KCNQ5: variants seen among roughly 807,000 people sequenced by gnomAD.
KCNQ5 encodes potassium voltage-gated channel subfamily KQT member 5.
In KCNQ5, 30 loss-of-function variants were observed where a neutral mutation model predicts 98.2. That is an observed-to-expected ratio of 0.31 (90% CI 0.23 to 0.41). The LOEUF is 0.41. KCNQ5 is among the 10% of genes least tolerant of loss of function. KCNQ5 has a pLI of 1.00. For missense variants in KCNQ5, 835 were observed against 1,182.5 expected, an observed-to-expected ratio of 0.71 and a Z score of 4.31; for synonymous variants, 458 against 449.4, an observed-to-expected ratio of 1.02 and a Z score of -0.24.
At chr6:72,932,119 A>C (rs1765718119) in intron 1 of KCNQ5, among the ~76,000 whole-genome samples, 1 of 152,178 alleles carries the variant, frequency 6.6e-6, no homozygotes, top group African/African-American at 2.4e-5. Context: ...CAGAGCTTCC[A>C]ATTAGCATCT....
intron 1 of KCNQ5, among the ~76,000 whole-genome samples, chr6:72,970,189 T>A (rs2150282543): frequency 6.6e-6 from 1 of 151,978 alleles, no homozygotes; most frequent in South Asian, 2.1e-4. Context: ...AGCCCAGGAG[T>A]TCAAGGCTGC....
chr6:73,187,926 ACAT>A (rs1429041029), intron 11 of KCNQ5, among the ~76,000 whole-genome samples: 1 of 152,194 alleles, frequency 6.6e-6, no homozygotes, highest in East Asian at 1.9e-4. Context: ...AGCTCACATA[ACAT>A]CCCACCAAGA....
intron 1 of KCNQ5, among the ~76,000 whole-genome samples, chr6:72,627,385 C>A (rs191829826): frequency 4.3e-4 from 65 of 152,248 alleles, no homozygotes; most frequent in Non-Finnish European, 1.0e-4. Context: ...CTGGGAAAAG[C>A]TTTACAGCAA....
At chr6:72,631,633 C>T (rs575262790) in intron 1 of KCNQ5, among the ~76,000 whole-genome samples, 23 of 152,292 alleles carry the variant, frequency 1.5e-4, no homozygotes, top group Middle Eastern at 3.4e-3. Flanking sequence ...TGTTAACCTT[C>T]AGTGAAGCAG....
chr6:73,103,986 C>A (rs9341409), intron 5 of KCNQ5, among the ~76,000 whole-genome samples: 111,658 of 151,802 alleles, frequency 0.74, 45,900 homozygotes, highest in South Asian at 0.94. Context: ...AATATATATA[C>A]CTACTGTGTA....
chr6:72,639,963 G>C (rs74738389), intron 1 of KCNQ5, among the ~76,000 whole-genome samples: 1 of 152,032 alleles, frequency 6.6e-6, no homozygotes, highest in African/African-American at 2.4e-5. Flanking sequence ...TAAAAAAAAA[G>C]TTTGGAATGG....
At chr6:72,957,242 C>T (rs1486354032) in intron 1 of KCNQ5, among the ~76,000 whole-genome samples, 1 of 149,200 alleles carries the variant, frequency 6.7e-6, no homozygotes, top group Non-Finnish European at 1.5e-5. Flanking sequence ...ACAATCTCAG[C>T]TCATTGCAAC....
At chr6:73,096,360 G>C (rs58445745) in intron 5 of KCNQ5, among the ~76,000 whole-genome samples, 7 of 141,866 alleles carry the variant, frequency 4.9e-5, no homozygotes, top group Middle Eastern at 7.7e-3. Flanking sequence ...AAAAGAGCTT[G>C]GTGTGCTGAT....
At chr6:72,889,280 C>T (rs1395598095) in intron 1 of KCNQ5, among the ~76,000 whole-genome samples, 1 of 152,118 alleles carries the variant, frequency 6.6e-6, no homozygotes, top group East Asian at 1.9e-4. Context: ...TCAAGGAAGT[C>T]ACTGTGGCTG....
intron 1 of KCNQ5, among the ~76,000 whole-genome samples, chr6:72,918,658 A>G (rs1275520632): frequency 6.6e-6 from 1 of 152,122 alleles, no homozygotes; most frequent in Non-Finnish European, 1.5e-5. Flanking sequence ...CAGAAAATCA[A>G]GCCAAACCAA....
intron 1 of KCNQ5, among the ~76,000 whole-genome samples, chr6:72,940,473 A>G (rs1407790934): frequency 6.6e-6 from 1 of 152,048 alleles, no homozygotes; most frequent in Non-Finnish European, 1.5e-5. Flanking sequence ...GGGCTGCAAC[A>G]GTCATGTCCA....
At chr6:72,720,330 C>T (rs1769888339) in intron 1 of KCNQ5, among the ~76,000 whole-genome samples, 1 of 152,156 alleles carries the variant, frequency 6.6e-6, no homozygotes, top group African/African-American at 2.4e-5. Context: ...TGACAAAACT[C>T]CCAGGAAATG....
rs75542925 is a variant in KCNQ5, at chr6:72,705,931, T to A, written c.398+83344T>A. 8.5e-4 allele frequency among the ~76,000 whole-genome samples: 130 copies of A among 152,172 alleles called. 1 individual carries two copies. The highest frequency in any genetic ancestry group is 3.0e-3 in the African/African-American group (124 of 41,578). Reference sequence around the variant, plus strand: ...TTACCAAAAAGAAATGAGATTTGTGTGTGTGTGTGAACATTTAAACGAAAG... The same window carrying A: ...TTACCAAAAAGAAATGAGATTTGTGAGTGTGTGTGAACATTTAAACGAAAG... On this transcript the variant is annotated intron_variant, in intron 1 of 13. Coordinates refer to ENST00000370398, the MANE Select transcript of KCNQ5 (RefSeq NM_019842.4).
At chr6:72,720,314 G>C (rs983202292) in intron 1 of KCNQ5, among the ~76,000 whole-genome samples, 1 of 152,152 alleles carries the variant, frequency 6.6e-6, no homozygotes, top group South Asian at 2.1e-4. Context: ...TACTTAAAAA[G>C]ACAGATGACA....
chr6:73,121,238 T>C (rs750386216), intron 8 of KCNQ5, among the ~76,000 whole-genome samples: 5 of 151,346 alleles, frequency 3.3e-5, no homozygotes, highest in Non-Finnish European at 4.4e-5. Flanking sequence ...TCAAAGAAAA[T>C]GGGGAAGTAC....
In KCNQ5 at chr6:73,120,463, C is replaced by T. The variant is rs1372195482; in HGVS notation, c.1126-20C>T. On this transcript the variant is annotated intron_variant, in intron 7 of 13. Coordinates refer to ENST00000370398, the MANE Select transcript of KCNQ5 (RefSeq NM_019842.4). The stretch of plus-strand genomic sequence containing the variant: ...TGCTCTCTTTTTTCTTTTTCATGTC[C>T]CCATCTATGCCACATGCAGTGTGTT... 7 of 1,544,776 alleles carry T rather than the reference C, an allele frequency of 4.5e-6. No individual in the cohort carries two copies. The highest frequency in any genetic ancestry group is 3.4e-5 in the Admixed American group (2 of 57,984).
At chr6:72,846,192 C>T (rs577971027) in intron 1 of KCNQ5, among the ~76,000 whole-genome samples, 1 of 152,240 alleles carries the variant, frequency 6.6e-6, no homozygotes, top group African/African-American at 2.4e-5. Flanking sequence ...TAAAACTAAA[C>T]AAACACATCA....
chr6:72,769,855 G>A (rs1208044745), intron 1 of KCNQ5, among the ~76,000 whole-genome samples: 1 of 152,084 alleles, frequency 6.6e-6, no homozygotes, highest in Non-Finnish European at 1.5e-5. Context: ...AGGCTTTGGA[G>A]ATGCAAAGAA....
chr6:73,026,210 A>C (rs1770883750), intron 2 of KCNQ5, among the ~76,000 whole-genome samples: 1 of 152,178 alleles, frequency 6.6e-6, no homozygotes, highest in Non-Finnish European at 1.5e-5. Flanking sequence ...TTTGTCCTGG[A>C]ATGTACTCCC....
Sources: allele counts gnomAD v4.1 joint callset (sites outside exome capture counted in the v4.1 genomes callset), GRCh38; gene constraint gnomAD v4.1.1; transcripts MANE v1.5; gene names NCBI Gene and HGNC (gene_info 2026-07-23, HGNC 2026-07-21).